The following MECOM variants were observed in gnomAD, a reference collection of about 807,000 sequenced individuals.
The protein encoded by MECOM is MDS1 and EVI1 complex locus.
A neutral mutation model predicts 116.3 loss-of-function variants in MECOM; 13 were observed. That is an observed-to-expected ratio of 0.11 (90% CI 0.07 to 0.18). The LOEUF is 0.18. MECOM is among the 10% of genes least tolerant of loss of function. The pLI is 1.00. For synonymous variants in MECOM, 528 were observed against 535.2 expected (o/e 0.99, Z 0.19); for missense variants, 1,299 against 1,509.0 (o/e 0.86, Z 2.31).
chr3:169,295,750 G>A (rs1459019050), intron 2 of MECOM, among the ~76,000 whole-genome samples: 1 of 151,986 alleles, frequency 6.6e-6, no homozygotes, highest in Non-Finnish European at 1.5e-5. Flanking sequence ...ATTGTACCAG[G>A]GACATTGCCC....
chr3:169,293,006 A>G (rs373369236), intron 2 of MECOM, among the ~76,000 whole-genome samples: 25 of 152,266 alleles, frequency 1.6e-4, no homozygotes, highest in African/African-American at 6.0e-4. Flanking sequence ...AGTGAGATGA[A>G]GTGACTTATC....
At chr3:169,517,146 T>C (rs528918836) in intron 1 of MECOM, among the ~76,000 whole-genome samples, 1 of 152,280 alleles carries the variant, frequency 6.6e-6, no homozygotes, top group African/African-American at 2.4e-5. Flanking sequence ...ATTACCATCA[T>C]CATTCCCCGG....
At chr3:169,648,744 C>A (rs1774486724) in intron 1 of MECOM, among the ~76,000 whole-genome samples, 1 of 152,212 alleles carries the variant, frequency 6.6e-6, no homozygotes, top group Non-Finnish European at 1.5e-5. Flanking sequence ...ACATGCCAGC[C>A]TGAAAGACAA....
chr3:169,562,163 G>GAAAA (rs1762725871), intron 1 of MECOM, among the ~76,000 whole-genome samples: 1 of 90,624 alleles, frequency 1.1e-5, no homozygotes, highest in Non-Finnish European at 2.3e-5. Flanking sequence ...AAAAAAAAAA[G>GAAAA]GAAAGAAAGA....
intron 2 of MECOM, among the ~76,000 whole-genome samples, chr3:169,163,127 CT>C (rs1295123524): frequency 2.0e-4 from 30 of 152,136 alleles, no homozygotes; most frequent in African/African-American, 7.0e-4. Context: ...GCTGTAGTTA[CT>C]TAAAAATAGG....
chr3:169,266,150 A>G (rs1402300779), intron 2 of MECOM, among the ~76,000 whole-genome samples: 2 of 152,238 alleles, frequency 1.3e-5, no homozygotes, highest in Non-Finnish European at 2.9e-5. Flanking sequence ...ACCATAAATA[A>G]ATGGAATTAA....
In MECOM at chr3:169,083,919, T is replaced by G. The variant is rs1305072283; in HGVS notation, c.*990A>C. 1.3e-5 allele frequency: 3 copies of G among 224,404 alleles called. No homozygotes were observed. The highest frequency in any genetic ancestry group is 2.7e-5 in the Non-Finnish European group (3 of 112,614). 13.9% of individuals were successfully genotyped at this position (224,404 alleles called of 1,614,324 possible). A position where few individuals can be genotyped will look rare whatever the true frequency, so the allele number is the denominator to read the frequency against. ...TAAGTTGCATCTATTCGTATTTAGT[T>G]CATTAAGAAGGAAAACAAAACAAAC... On this transcript the variant is annotated 3_prime_UTR_variant, in exon 17 of 17. Coordinates refer to ENST00000651503, the MANE Select transcript of MECOM (RefSeq NM_004991.4).
intron 8 of MECOM, among the ~76,000 whole-genome samples, chr3:169,114,065 T>C (rs75423085): frequency 1.9e-3 from 287 of 152,224 alleles, no homozygotes; most frequent in Admixed American, 2.9e-3. Flanking sequence ...CAGTTGCTAC[T>C]GAGAGGGTAC....
chr3:169,450,072 T>G (rs1003694278), intron 1 of MECOM, among the ~76,000 whole-genome samples: 4 of 152,244 alleles, frequency 2.6e-5, no homozygotes, highest in Non-Finnish European at 5.9e-5. Context: ...CTTCTTACTC[T>G]GTCTAGGGAA....
intron 2 of MECOM, among the ~76,000 whole-genome samples, chr3:169,302,218 A>G (rs1209346124): frequency 1.3e-5 from 2 of 152,250 alleles, no homozygotes; most frequent in African/African-American, 4.8e-5. Context: ...ATGTCCATGT[A>G]TCAAGTCCTG....
intron 1 of MECOM, among the ~76,000 whole-genome samples, chr3:169,441,689 A>C (rs1743698024): frequency 6.6e-6 from 1 of 151,830 alleles, no homozygotes; most frequent in Non-Finnish European, 1.5e-5. Flanking sequence ...CAGAAATAAA[A>C]GATGCTTTTT....
intron 1 of MECOM, among the ~76,000 whole-genome samples, chr3:169,451,740 C>A (rs1745637271): frequency 6.6e-6 from 1 of 152,024 alleles, no homozygotes; most frequent in African/African-American, 2.4e-5. Context: ...ATGTAAAATA[C>A]AGTTTACACA....
chr3:169,236,592 GA>G (rs746833057), intron 2 of MECOM, among the ~76,000 whole-genome samples: 30 of 152,108 alleles, frequency 2.0e-4, no homozygotes, highest in Non-Finnish European at 4.1e-4. Flanking sequence ...CTGACAAAAA[GA>G]AAAGCCTAGT....
At chr3:169,228,780 G>C (rs936561084) in intron 2 of MECOM, among the ~76,000 whole-genome samples, 1 of 152,166 alleles carries the variant, frequency 6.6e-6, no homozygotes, top group Non-Finnish European at 1.5e-5. Flanking sequence ...TGCCAAGTTG[G>C]ACAGCATTAG....
At chr3:169,097,926 C>A (rs2148918322) in intron 12 of MECOM, among the ~76,000 whole-genome samples, 1 of 147,458 alleles carries the variant, frequency 6.8e-6, no homozygotes, top group African/African-American at 2.5e-5. Context: ...CCATGTTTAA[C>A]TTTTACTACA....
intron 2 of MECOM, among the ~76,000 whole-genome samples, chr3:169,295,425 TC>T (rs1206552919): frequency 1.3e-5 from 2 of 152,210 alleles, no homozygotes; most frequent in Non-Finnish European, 2.9e-5. Context: ...CAGAAATGTC[TC>T]AGATGATGAT....
At chr3:169,234,244 A>G (rs1463491759) in intron 2 of MECOM, among the ~76,000 whole-genome samples, 4 of 152,002 alleles carry the variant, frequency 2.6e-5, no homozygotes, top group African/African-American at 9.7e-5. Flanking sequence ...TGTGCCATTC[A>G]AGCGATGACC....
intron 6 of MECOM, 77 bp from the exon 7 acceptor site, chr3:169,121,286 A>T: frequency 7.1e-7 from 1 of 1,416,390 alleles, no homozygotes; most frequent in Non-Finnish European, 9.4e-7. Context: ...ATGACTCAAG[A>T]AGAAATTTTT....
At chr3:169,544,253 T>C (rs1264024515) in intron 1 of MECOM, among the ~76,000 whole-genome samples, 2 of 152,242 alleles carry the variant, frequency 1.3e-5, no homozygotes, top group African/African-American at 4.8e-5. Context: ...AGTAAAGCAG[T>C]GCCTGGCACA....
Sources: gnomAD v4.1 joint callset for allele counts (sites outside exome capture counted in the v4.1 genomes callset) on GRCh38, gnomAD v4.1.1 for gene constraint, MANE v1.5 for transcripts, NCBI Gene and HGNC (gene_info 2026-07-23, HGNC 2026-07-21) for gene names.